The following GALNT10 variants were observed in gnomAD, a reference collection of about 807,000 sequenced individuals.
GALNT10 encodes the protein polypeptide N-acetylgalactosaminyltransferase 10.
A neutral mutation model predicts 75.0 loss-of-function variants in GALNT10; 41 were observed. That is an observed-to-expected ratio of 0.55 (90% confidence interval 0.43 to 0.71). The LOEUF (loss-of-function observed/expected upper bound fraction) is 0.71, where lower values mean the gene tolerates loss of function less well. Among genes scored for constraint, GALNT10 ranks in the 30% least tolerant of loss-of-function variants. The probability of loss-of-function intolerance (pLI) is 0.00; values close to 1 mark genes in which losing one functional copy is unlikely to be tolerated. For missense variants in GALNT10, 727 were observed against 818.5 expected (o/e 0.89, Z 1.36); for synonymous variants, 302 against 313.0 (o/e 0.96, Z 0.37).
chr5:154,218,037 C>T, intron 1 of GALNT10: 1 of 985,194 alleles, frequency 1.0e-6, no homozygotes, highest in Non-Finnish European at 1.2e-6. Context: ...AGCTCGCTTC[C>T]CCACCCCAGC....
intron 7 of GALNT10, among the ~76,000 whole-genome samples, chr5:154,396,092 C>T (rs545148560): frequency 2.4e-4 from 37 of 152,312 alleles, no homozygotes; most frequent in African/African-American, 7.5e-4. Flanking sequence ...CCAATACCTT[C>T]ACCCGGCTTT....
chr5:154,283,788 C>CA (rs1464323604), intron 1 of GALNT10, among the ~76,000 whole-genome samples: 1 of 152,172 alleles, frequency 6.6e-6, no homozygotes, highest in East Asian at 1.9e-4. Flanking sequence ...CCAGCCAGCC[C>CA]AAAGAGCCAA....
At chr5:154,312,236 G>C (rs1022421839) in intron 3 of GALNT10, among the ~76,000 whole-genome samples, 1 of 152,152 alleles carries the variant, frequency 6.6e-6, no homozygotes, top group Admixed American at 6.5e-5. Context: ...GTGATGATAA[G>C]ACAAGCAGAA....
At chr5:154,302,144 CT>C (rs1754372206) in intron 3 of GALNT10, among the ~76,000 whole-genome samples, 1 of 152,254 alleles carries the variant, frequency 6.6e-6, no homozygotes, top group African/African-American at 2.4e-5. Context: ...CATTCAGTTT[CT>C]TTTAGCTTAA....
chr5:154,323,448 A>G (rs1023120321), intron 3 of GALNT10, among the ~76,000 whole-genome samples: 1 of 152,186 alleles, frequency 6.6e-6, no homozygotes, highest in Non-Finnish European at 1.5e-5. Flanking sequence ...CCTTCGGACC[A>G]TAGTTTTGAC....
At chr5:154,321,702 G>A (rs188614159) in intron 3 of GALNT10, among the ~76,000 whole-genome samples, 43 of 152,148 alleles carry the variant, frequency 2.8e-4, no homozygotes, top group African/African-American at 9.6e-4. Context: ...TTCCAGCATC[G>A]CCAGGGATCT....
rs887353598 is a variant in GALNT10 at position 154,247,542 on chromosome 5, A to T, written c.160-47274A>T. 2.6e-5 allele frequency among the ~76,000 whole-genome samples: 4 copies of T among 152,086 alleles called. No homozygotes were observed. In the East Asian group the frequency reaches 5.8e-4, roughly 22 times the overall value. On this transcript the variant is annotated intron_variant, in intron 1 of 11. Transcript: ENST00000297107. ...GGTCCTTCACATCCTTGTAAGTTGG[A>T]TTCCTAGGTATTTTATTCTCTTTGA...
At chr5:154,355,569 T>C (rs1755277191) in intron 4 of GALNT10, among the ~76,000 whole-genome samples, 1 of 152,202 alleles carries the variant, frequency 6.6e-6, no homozygotes, top group Non-Finnish European at 1.5e-5. Flanking sequence ...ATGTCAGCAC[T>C]CGCCAAAAAA....
At chr5:154,292,190 T>A (rs949921080) in intron 1 of GALNT10, among the ~76,000 whole-genome samples, 7 of 152,226 alleles carry the variant, frequency 4.6e-5, no homozygotes, top group African/African-American at 1.7e-4. Flanking sequence ...GATTATCATC[T>A]GCTTCATTGT....
chr5:154,350,373 C>T (rs1181062842), intron 4 of GALNT10, among the ~76,000 whole-genome samples: 1 of 152,184 alleles, frequency 6.6e-6, no homozygotes, highest in African/African-American at 2.4e-5. Flanking sequence ...AATAAACTCA[C>T]TCCTACTCTG....
At chr5:154,195,728 GA>G (rs1444251382) in intron 1 of GALNT10, among the ~76,000 whole-genome samples, 1 of 152,156 alleles carries the variant, frequency 6.6e-6, no homozygotes, top group East Asian at 1.9e-4. Context: ...ATTTCACCAT[GA>G]GAAATTTTTT....
intron 1 of GALNT10, among the ~76,000 whole-genome samples, chr5:154,211,621 C>G (rs1775199011): frequency 6.6e-6 from 1 of 152,116 alleles, no homozygotes; most frequent in African/African-American, 2.4e-5. Context: ...TTCTGTGGGT[C>G]AGAAATTTGG....
At chr5:154,405,698 T>C (rs1756265633) in intron 8 of GALNT10, among the ~76,000 whole-genome samples, 1 of 151,880 alleles carries the variant, frequency 6.6e-6, no homozygotes, top group African/African-American at 2.4e-5. Context: ...AAAATAAAAA[T>C]AGCCGGGCGC....
chr5:154,321,708 G>C (rs1754677458), intron 3 of GALNT10, among the ~76,000 whole-genome samples: 1 of 152,094 alleles, frequency 6.6e-6, no homozygotes, highest in African/African-American at 2.4e-5. Flanking sequence ...CATCGCCAGG[G>C]ATCTGGGAGC....
chr5:154,413,838 T>A (rs960797035), intron 10 of GALNT10, among the ~76,000 whole-genome samples: 9 of 152,042 alleles, frequency 5.9e-5, no homozygotes, highest in African/African-American at 2.2e-4. Context: ...CTGGACTAAT[T>A]CAAAATGAAT....
At chr5:154,368,548 AC>A (rs1307911639) in intron 4 of GALNT10, among the ~76,000 whole-genome samples, 1 of 152,222 alleles carries the variant, frequency 6.6e-6, no homozygotes, top group Non-Finnish European at 1.5e-5. Flanking sequence ...AAATTGTCTT[AC>A]AAGCGGACTC....
At chr5:154,209,014 T>C (rs2098669) in intron 1 of GALNT10, among the ~76,000 whole-genome samples, 67,705 of 152,034 alleles carry the variant, frequency 0.45, 15,900 homozygotes, top group East Asian at 0.78. Context: ...CCTGCTAGGG[T>C]GCTGGAGGAA....
At chr5:154,280,396 A>G (rs1754022501) in intron 1 of GALNT10, among the ~76,000 whole-genome samples, 1 of 152,200 alleles carries the variant, frequency 6.6e-6, no homozygotes, top group South Asian at 2.1e-4. Context: ...TCAAATAGCT[A>G]GAAGAGAGGA....
intron 3 of GALNT10, among the ~76,000 whole-genome samples, chr5:154,308,056 T>TA (rs1326140054): frequency 6.7e-6 from 1 of 150,360 alleles, no homozygotes; most frequent in African/African-American, 2.4e-5. Context: ...ATCTTTTTTT[T>TA]TTATTATTTC....
Sources: gnomAD v4.1 joint callset for allele counts (sites outside exome capture counted in the v4.1 genomes callset) on GRCh38, gnomAD v4.1.1 for gene constraint, MANE v1.5 for transcripts, NCBI Gene and HGNC (gene_info 2026-07-23, HGNC 2026-07-21) for gene names.